Variants in CCDC146 observed in about 807,000 individuals in gnomAD.
CCDC146 encodes coiled-coil domain containing 146, also known as coiled-coil domain-containing protein 146.
A neutral mutation model predicts 119.3 loss-of-function variants in CCDC146; 92 were observed. The observed-to-expected ratio is 0.77, with a 90% CI of 0.65 to 0.92. CCDC146 has a LOEUF of 0.92. Ranked by LOEUF, CCDC146 falls within the 40% of genes least tolerant of loss-of-function variation. The pLI, the probability that CCDC146 is intolerant of heterozygous loss-of-function variation, is 0.00. For missense variants in CCDC146, 1,000 were observed against 1,103.0 expected (o/e 0.91, Z 1.32); for synonymous variants, 372 against 371.8 (o/e 1.00, Z -0.01).
intron 9 of CCDC146, among the ~76,000 whole-genome samples, chr7:77,266,007 T>C (rs1183214817): frequency 6.6e-6 from 1 of 152,212 alleles, no homozygotes; most frequent in Admixed American, 6.5e-5. Context: ...TGTCATGTAA[T>C]ATCACACATG....
intron 16 of CCDC146, 125 bp from the exon 17 acceptor site, chr7:77,287,315 C>G (rs969560225): frequency 5.0e-6 from 5 of 1,008,410 alleles, no homozygotes; most frequent in Middle Eastern, 3.2e-4. Context: ...AGTCTTAACC[C>G]AGCTCTAAAC....
intron 5 of CCDC146, among the ~76,000 whole-genome samples, chr7:77,256,042 T>C (rs1412732929): frequency 6.6e-6 from 1 of 152,082 alleles, no homozygotes; most frequent in Non-Finnish European, 1.5e-5. Flanking sequence ...ACACATAAAA[T>C]GAAACGTTTT....
intron 1 of CCDC146, among the ~76,000 whole-genome samples, chr7:77,141,807 G>T (rs1283074935): frequency 6.6e-6 from 1 of 152,110 alleles, no homozygotes; most frequent in Non-Finnish European, 1.5e-5. Flanking sequence ...GTAGATTCTG[G>T]ATATTAGCCC....
At chr7:77,245,900 G>T (rs1792940293) in intron 4 of CCDC146, among the ~76,000 whole-genome samples, 1 of 151,852 alleles carries the variant, frequency 6.6e-6, no homozygotes, top group Non-Finnish European at 1.5e-5. Context: ...CTCTTCTGTG[G>T]CAACAAATAT....
At chr7:77,202,284 T>G (rs1022926340) in intron 2 of CCDC146, among the ~76,000 whole-genome samples, 25 of 152,258 alleles carry the variant, frequency 1.6e-4, no homozygotes, top group African/African-American at 5.8e-4. Context: ...GACCTGGTAT[T>G]TTCTTCACGT....
At chr7:77,227,765 G>A (rs75232793) in intron 2 of CCDC146, among the ~76,000 whole-genome samples, 157 of 152,298 alleles carry the variant, frequency 1.0e-3, no homozygotes, top group Non-Finnish European at 1.9e-3. Flanking sequence ...CTTGTTTACA[G>A]TGATAGTCTG....
chr7:77,253,899 A>C lies in CCDC146; in HGVS notation c.450-607A>C, dbSNP rs140894084. ...GATAGGGCAAAGGCCCTGAGGTAGAATCAAGCTTGGCAAGAAAGCCAGTGT... is the reference window on the plus strand; with the variant it reads ...GATAGGGCAAAGGCCCTGAGGTAGACTCAAGCTTGGCAAGAAAGCCAGTGT... On this transcript the variant is annotated intron_variant, in intron 4 of 18. Coordinates refer to ENST00000285871, the MANE Select transcript of CCDC146 (RefSeq NM_020879.3). Among the ~76,000 whole-genome samples the C allele has an allele frequency of 2.6e-5, 4 of 152,332 alleles. No individual in the cohort carries two copies. In the East Asian group the frequency reaches 7.7e-4, roughly 29 times the overall value.
At chr7:77,171,684 T>G (rs1278073898) in intron 2 of CCDC146, among the ~76,000 whole-genome samples, 1 of 152,236 alleles carries the variant, frequency 6.6e-6, no homozygotes. Flanking sequence ...CCATCAGGGC[T>G]CTTCTAAAAA....
chr7:77,126,675 G>A (rs1340269656), intron 1 of CCDC146, among the ~76,000 whole-genome samples: 1 of 152,096 alleles, frequency 6.6e-6, no homozygotes, highest in African/African-American at 2.4e-5. Flanking sequence ...AGAGACGGTA[G>A]CTCCTTTCTG....
At chr7:77,168,955 G>A (rs1791378901) in intron 2 of CCDC146, among the ~76,000 whole-genome samples, 1 of 151,732 alleles carries the variant, frequency 6.6e-6, no homozygotes, top group Non-Finnish European at 1.5e-5. Flanking sequence ...AATTAACATT[G>A]ATATAATACC....
At chr7:77,198,040 T>A (rs1315971015) in intron 2 of CCDC146, 1 of 748,138 alleles carries the variant, frequency 1.3e-6, no homozygotes, top group Non-Finnish European at 1.6e-6. Flanking sequence ...CCAAAATGTT[T>A]AGGAGAAAAA....
chr7:77,263,575 G>A (rs908640096), intron 9 of CCDC146, among the ~76,000 whole-genome samples: 9 of 152,200 alleles, frequency 5.9e-5, no homozygotes, highest in African/African-American at 1.7e-4. Context: ...TGAGTGTTAC[G>A]AACAACTAGG....
At position 77,176,090 on chromosome 7, in the gene CCDC146, T is replaced by C. The variant is rs1791495124; in HGVS notation, c.156+8266T>C. Among the ~76,000 whole-genome samples, 2 of 151,172 alleles carry C rather than the reference T, an allele frequency of 1.3e-5. 1 individual carries two copies. Among genetic ancestry groups the C allele is most frequent in the African/African-American group, 4.9e-5 (2 of 40,692 alleles). On this transcript the variant is annotated intron_variant, in intron 2 of 18. Coordinates refer to ENST00000285871, the MANE Select transcript of CCDC146 (RefSeq NM_020879.3). ...CACAGGGTCCACTATGAATCTGGTT[T>C]CTTCGTCCATACCCATGTATGCACA...
intron 2 of CCDC146, among the ~76,000 whole-genome samples, chr7:77,189,614 T>G (rs1300260289): frequency 6.6e-6 from 1 of 152,122 alleles, no homozygotes; most frequent in Non-Finnish European, 1.5e-5. Context: ...GCCTAGGTAA[T>G]CCGGTATACC....
intron 2 of CCDC146, among the ~76,000 whole-genome samples, chr7:77,188,486 GA>G (rs1017275060): frequency 6.6e-6 from 1 of 152,182 alleles, no homozygotes; most frequent in Non-Finnish European, 1.5e-5. Flanking sequence ...GCTAACAAAT[GA>G]AAAGGTTTTT....
rs894565081 is a variant in CCDC146, at chr7:77,281,113, C to A, written c.1919+460C>A. 1.8e-3 allele frequency among the ~76,000 whole-genome samples: 242 copies of A among 131,564 alleles called. 1 individual carries two copies. The East Asian group carries it at 0.024, about 13-fold the overall frequency. 86.3% of individuals were successfully genotyped at this position (131,564 alleles called of 152,430 possible). On this transcript the variant is annotated intron_variant, in intron 14 of 18. Coordinates refer to ENST00000285871, the MANE Select transcript of CCDC146 (RefSeq NM_020879.3). ...GCAAGACTCCGTCTCCAAAAACAAA[C>A]AAAAAAAAAAAAAGAGAGAAAGAAA... is the stretch of plus-strand genomic sequence containing the variant.
At chr7:77,168,073 C>T (rs1335660786) in intron 2 of CCDC146, among the ~76,000 whole-genome samples, 2 of 152,182 alleles carry the variant, frequency 1.3e-5, no homozygotes, top group East Asian at 3.8e-4. Context: ...TATATTCGGT[C>T]AGTTACATAC....
intron 1 of CCDC146, among the ~76,000 whole-genome samples, chr7:77,161,023 AAC>A (rs1173063983): frequency 6.6e-6 from 1 of 152,204 alleles, no homozygotes; most frequent in African/African-American, 2.4e-5. Flanking sequence ...GCAGCCAAAA[AAC>A]ACATGAAAAA....
chr7:77,261,194 G>C (rs1190431730), intron 8 of CCDC146, among the ~76,000 whole-genome samples: 1 of 151,904 alleles, frequency 6.6e-6, no homozygotes, highest in Non-Finnish European at 1.5e-5. Context: ...GTGTCATGGG[G>C]GGTTGTTGTA....
Sources: allele counts gnomAD v4.1 joint callset (sites outside exome capture counted in the v4.1 genomes callset), GRCh38; gene constraint gnomAD v4.1.1; transcripts MANE v1.5; gene names NCBI Gene and HGNC (gene_info 2026-07-23, HGNC 2026-07-21).